Variants in DNAJC1 observed in about 807,000 individuals in gnomAD.
DNAJC1 encodes the protein DnaJ heat shock protein family (Hsp40) member C1, also known as dnaJ homolog subfamily C member 1.
DNAJC1 carries 58 observed loss-of-function variants against 76.6 expected under a neutral mutation model. The observed-to-expected ratio is 0.76, with a 90% CI of 0.61 to 0.94. The LOEUF (loss-of-function observed/expected upper bound fraction) is 0.94. Among genes scored for constraint, DNAJC1 ranks in the 40% least tolerant of loss-of-function variants. DNAJC1 has a pLI of 0.00. For missense variants in DNAJC1, 689 were observed against 677.3 expected, an observed-to-expected ratio of 1.02 and a Z score of -0.19; for synonymous variants, 258 against 267.9, an observed-to-expected ratio of 0.96 and a Z score of 0.36.
chr10:21,930,822 T>A (rs1363397955), intron 1 of DNAJC1, among the ~76,000 whole-genome samples: 1 of 152,192 alleles, frequency 6.6e-6, no homozygotes, highest in African/African-American at 2.4e-5. Context: ...AGACATCAAG[T>A]GTCAAATGAA....
At chr10:21,890,556 C>T (rs1476568338) in intron 7 of DNAJC1, among the ~76,000 whole-genome samples, 2 of 152,068 alleles carry the variant, frequency 1.3e-5, no homozygotes, top group African/African-American at 4.8e-5. Context: ...ATTCCTGCTC[C>T]TCCTTCCAGG....
intron 1 of DNAJC1, among the ~76,000 whole-genome samples, chr10:21,969,127 G>A (rs1754289359): frequency 6.6e-6 from 1 of 151,260 alleles, no homozygotes; most frequent in South Asian, 2.1e-4. Flanking sequence ...AGGAGGCTGA[G>A]GCAGGATAAT....
chr10:21,759,638 A>C lies in DNAJC1; in HGVS notation c.1148-20T>G. 1 of 1,605,650 alleles carries C rather than the reference A, an allele frequency of 6.2e-7. No homozygotes were observed. Among genetic ancestry groups the C allele is most frequent in the Non-Finnish European group, 8.5e-7 (1 of 1,174,718 alleles). On this transcript the variant is annotated intron_variant, in intron 10 of 11. Transcript: ENST00000376980. The stretch of plus-strand genomic sequence containing the variant: ...CCATTCCTAGGAAAGAGGGTGTGCC[A>C]CACAGAGGTGAAGGGCAAGGTGAAT...
Position 21,919,965 on chromosome 10 carries a change from T to C in DNAJC1, c.538-36A>G, listed in dbSNP as rs201392979. 1.9e-5 allele frequency: 25 copies of C among 1,320,748 alleles called. No individual in the cohort carries two copies. In the African/African-American group the frequency reaches 3.2e-4, roughly 17 times the overall value. 81.8% of individuals were successfully genotyped at this position (1,320,748 alleles called of 1,614,324 possible). On this transcript the variant is annotated intron_variant, in intron 4 of 11. Transcript: ENST00000376980. ...AAAGAATTATGGTTACAGGTTATCATTAACATGTACACTTCAAATGTTATC... is the reference window on the plus strand; with the variant it reads ...AAAGAATTATGGTTACAGGTTATCACTAACATGTACACTTCAAATGTTATC...
chr10:21,820,931 G>T (rs923932613), intron 8 of DNAJC1, among the ~76,000 whole-genome samples: 1 of 152,154 alleles, frequency 6.6e-6, no homozygotes, highest in African/African-American at 2.4e-5. Flanking sequence ...ACCTCCACAC[G>T]TTCAGCTATC....
At chr10:21,962,601 G>A (rs116224076) in intron 1 of DNAJC1, among the ~76,000 whole-genome samples, 4,945 of 148,390 alleles carry the variant, frequency 0.033, 141 homozygotes, top group African/African-American at 0.063. Flanking sequence ...CTGAGTAGCC[G>A]GGACCACAGG....
Position 21,907,089 on chromosome 10 carries a change from GT to G in DNAJC1, c.730-2478del, listed in dbSNP as rs1229698579. Among the ~76,000 whole-genome samples, 17 of 152,144 alleles carry G rather than the reference GT, an allele frequency of 1.1e-4. No individual in the cohort carries two copies. The South Asian group carries it at 3.5e-3, about 32-fold the overall frequency. ...CCTGCCAAATTTGAACATTTTCCCT[GT>G]TAATGTTTCTTCTTCCTGCTATGGG... is the stretch of plus-strand genomic sequence containing the variant. On this transcript the variant is annotated intron_variant, in intron 6 of 11. Transcript: ENST00000376980.
rs145037015 is a variant in DNAJC1 at position 21,887,050 on chromosome 10, T to C, written c.821-4611A>G. On this transcript the variant is annotated intron_variant, in intron 7 of 11. Transcript: ENST00000376980. ...AAACATCTTCAGCAAAGTTTCAGGA[T>C]ACAAATCAATGTACAAAAATCACTA... Among the ~76,000 whole-genome samples, 29 of 152,240 alleles carry C rather than the reference T, an allele frequency of 1.9e-4. No homozygotes were observed. In the East Asian group the frequency reaches 4.2e-3, roughly 22 times the overall value.
chr10:21,770,400 T>C (rs1168827270), intron 9 of DNAJC1, among the ~76,000 whole-genome samples: 10 of 145,136 alleles, frequency 6.9e-5, no homozygotes, highest in Non-Finnish European at 1.5e-4. Flanking sequence ...TTCTTCTTTT[T>C]TTTTTTTTTT....
intron 1 of DNAJC1, among the ~76,000 whole-genome samples, chr10:21,992,979 T>A (rs1167790325): frequency 6.6e-6 from 1 of 152,234 alleles, no homozygotes; most frequent in Non-Finnish European, 1.5e-5. Context: ...CGTCTCTATC[T>A]AAATTCCCTC....
intron 8 of DNAJC1, among the ~76,000 whole-genome samples, chr10:21,807,293 G>T (rs1428225736): frequency 6.6e-6 from 1 of 152,084 alleles, no homozygotes; most frequent in Non-Finnish European, 1.5e-5. Context: ...TGACCCCAGG[G>T]ACTATCTCCA....
chr10:21,865,123 T>TA (rs1343305533), intron 8 of DNAJC1, among the ~76,000 whole-genome samples: 1 of 152,114 alleles, frequency 6.6e-6, no homozygotes, highest in Non-Finnish European at 1.5e-5. Flanking sequence ...GGTGGGAATG[T>TA]AAAAATCAAC....
At chr10:21,937,056 T>C (rs1837322007) in intron 1 of DNAJC1, among the ~76,000 whole-genome samples, 1 of 152,170 alleles carries the variant, frequency 6.6e-6, no homozygotes, top group Admixed American at 6.5e-5. Context: ...GACAGGTTCT[T>C]AGAAACTGCA....
At chr10:21,879,557 G>A (rs2131719098) in intron 8 of DNAJC1, among the ~76,000 whole-genome samples, 1 of 152,216 alleles carries the variant, frequency 6.6e-6, no homozygotes, top group East Asian at 1.9e-4. Flanking sequence ...CCAGAAGGCA[G>A]AGGTTGCAGT....
chr10:21,981,609 T>A (rs1174624018), intron 1 of DNAJC1, among the ~76,000 whole-genome samples: 1 of 152,168 alleles, frequency 6.6e-6, no homozygotes, highest in Non-Finnish European at 1.5e-5. Flanking sequence ...TCCTCATTTG[T>A]AAAATGGGGA....
intron 1 of DNAJC1, among the ~76,000 whole-genome samples, chr10:21,987,304 G>A (rs1838264153): frequency 6.6e-6 from 1 of 152,080 alleles, no homozygotes; most frequent in African/African-American, 2.4e-5. Flanking sequence ...TATAGTGCTG[G>A]ACAGTACAGC....
intron 7 of DNAJC1, among the ~76,000 whole-genome samples, chr10:21,887,817 G>A (rs1490784322): frequency 1.3e-5 from 2 of 152,194 alleles, no homozygotes; most frequent in South Asian, 4.1e-4. Context: ...CAACCTGGAT[G>A]TAGGAATGGG....
intron 8 of DNAJC1, among the ~76,000 whole-genome samples, chr10:21,839,567 T>C (rs1835534916): frequency 6.6e-6 from 1 of 152,178 alleles, no homozygotes; most frequent in African/African-American, 2.4e-5. Flanking sequence ...GTCGAATCTC[T>C]GAATAGACCA....
intron 1 of DNAJC1, among the ~76,000 whole-genome samples, chr10:21,958,212 CA>C (rs1837725117): frequency 6.6e-6 from 1 of 152,020 alleles, no homozygotes; most frequent in East Asian, 1.9e-4. Flanking sequence ...AATTTTAATC[CA>C]AATGATTGAG....
Sources: allele counts gnomAD v4.1 joint callset (sites outside exome capture counted in the v4.1 genomes callset), GRCh38; gene constraint gnomAD v4.1.1; transcripts MANE v1.5; gene names NCBI Gene and HGNC (gene_info 2026-07-23, HGNC 2026-07-21).